Variants in FANCB observed in about 807,000 individuals in gnomAD.
The protein encoded by FANCB is FA complementation group B.
Under a neutral mutation model 38.9 loss-of-function variants are expected in FANCB, and 5 were observed. The ratio of observed to expected loss-of-function variants is 0.13; its 90% confidence interval spans 0.07 to 0.27. The LOEUF is 0.27. Ranked by LOEUF, FANCB falls within the 10% of genes least tolerant of loss-of-function variation. The pLI is 1.00. For missense variants in FANCB, 573 were observed against 602.7 expected (o/e 0.95, Z 0.52); for synonymous variants, 236 against 215.4 (o/e 1.10, Z -0.84).
chrX:14,699,438 C>A, the FANCB span, among the ~76,000 whole-genome samples: 27 of 111,913 alleles, frequency 2.4e-4, no homozygotes, highest in African/African-American at 8.8e-4. Context: ...ACTTATTTTT[C>A]TTCTATTTTG....
Position 14,864,580 on chromosome X carries a change from C to T in FANCB, c.931G>A (p.Val311Ile), listed in dbSNP as rs1308239519. The stretch of plus-strand genomic sequence containing the variant: ...TGTACCTGAAAGCTCTCTTTCCATA[C>T]AGCACAAGCATTATTGGATATAAAG... ...VSFISNNACA[V>I]WKESFQVAAK... The change falls in exon 3 of 10, where the codon GTA becomes ATA. Residue 311 changes from valine (V) to isoleucine (I), a missense_variant. Val to Ile is a conservative substitution (Grantham distance 29, BLOSUM62 3). Transcript: ENST00000650831. The T allele has an allele frequency of 2.5e-6, 3 of 1,187,873 alleles. No individual in the cohort carries two copies. Among genetic ancestry groups the T allele is most frequent in the Non-Finnish European group, 3.4e-6 (3 of 873,717 alleles).
At chrX:14,779,147 A>G in the FANCB span, among the ~76,000 whole-genome samples, 1 of 112,197 alleles carries the variant, frequency 8.9e-6, no homozygotes, top group Non-Finnish European at 1.9e-5. Context: ...TGAAATACCC[A>G]AGCAAGACAA....
the FANCB span, among the ~76,000 whole-genome samples, chrX:14,825,106 G>A: frequency 2.5e-4 from 28 of 112,138 alleles, no homozygotes; most frequent in African/African-American, 9.1e-4. Context: ...TTGCTTCTTT[G>A]AAGGCAATCT....
rs746453967 is a variant in FANCB at position 14,843,929 on chromosome X, T to C, written c.2218A>G (p.Ile740Val). 6 of 1,199,231 alleles carry C rather than the reference T, an allele frequency of 5.0e-6. No individual in the cohort carries two copies. Among genetic ancestry groups the C allele is most frequent in the Non-Finnish European group, 6.8e-6 (6 of 886,890 alleles). Residue 740 changes from isoleucine to valine, a missense_variant, in exon 10 of 10, where the codon ATA becomes GTA. Ile to Val is a conservative substitution (Grantham distance 29, BLOSUM62 3). Transcript: ENST00000650831. ...TTTAGATTTTTGAGGAAACAGTTTA[T>C]AGGGAGAATTCTGATGAGATTATGA... ...CLHNLIRILP[I>V]NCFLKNLKSG... is the part of the protein sequence containing the mutation.
intron 7 of FANCB, 72 bp from the exon 8 acceptor site, chrX:14,845,358 T>G: frequency 5.2e-6 from 4 of 768,775 alleles, no homozygotes; most frequent in Non-Finnish European, 8.0e-6. Flanking sequence ...TTAAATGTCA[T>G]ACAAACAACA....
chrX:14,790,846 G>A, the FANCB span, among the ~76,000 whole-genome samples: 658 of 111,692 alleles, frequency 5.9e-3, 1 homozygote, highest in Middle Eastern at 0.051. Flanking sequence ...TGAGATAGAG[G>A]AGAAAGCCAA....
chrX:14,709,209 G>A, the FANCB span, among the ~76,000 whole-genome samples: 3 of 110,841 alleles, frequency 2.7e-5, no homozygotes, highest in Admixed American at 9.6e-5. Context: ...ACTGCAGCCC[G>A]GACAACAGAG....
chrX:14,721,524 T>C, the FANCB span, among the ~76,000 whole-genome samples: 2 of 111,591 alleles, frequency 1.8e-5, no homozygotes, highest in South Asian at 7.5e-4. Context: ...TAGAAGCTTA[T>C]TGTTTAGAGG....
intron 1 of FANCB, among the ~76,000 whole-genome samples, chrX:14,872,479 C>A (rs2092503097): frequency 9.0e-6 from 1 of 111,428 alleles, no homozygotes; most frequent in South Asian, 3.7e-4. Flanking sequence ...GGCTGGATAA[C>A]TGTTGTGAAT....
At chrX:14,867,885 G>A (rs967291384) in intron 2 of FANCB, among the ~76,000 whole-genome samples, 1 of 110,030 alleles carries the variant, frequency 9.1e-6, no homozygotes. Context: ...TATTTTAAAT[G>A]GACAAAATAA....
chrX:14,865,433 C>G lies in FANCB; in HGVS notation c.78G>C (p.Gln26His). Residue 26 changes from glutamine (Q) to histidine (H), a missense_variant, in exon 3 of 10, where the codon CAG becomes CAC. Physicochemically the swap from Gln to His is conservative, Grantham distance 24. Coordinates refer to ENST00000650831, the MANE Select transcript of FANCB (RefSeq NM_001018113.3). ...TATCTGCAAAATTTCCTTTAGACAA[C>G]TGGAAAACAAGGACTTCCCCATTAT... is the stretch of plus-strand genomic sequence containing the variant. ...LCYNGEVLVFQLSKGNFADKE... is the reference protein window; with the variant it reads ...LCYNGEVLVFHLSKGNFADKE... 1 of 1,210,344 alleles carries G rather than the reference C, an allele frequency of 8.3e-7. No homozygotes were observed. Among genetic ancestry groups the G allele is most frequent in the Non-Finnish European group, 1.1e-6 (1 of 894,665 alleles).
the FANCB span, among the ~76,000 whole-genome samples, chrX:14,808,162 A>G: frequency 8.9e-6 from 1 of 112,141 alleles, no homozygotes; most frequent in East Asian, 2.8e-4. Context: ...CAATCCTACT[A>G]GAACTTTTCC....
At chrX:14,857,805 T>C in intron 5 of FANCB, 57 bp downstream of exon 5, 1 of 812,977 alleles carries the variant, frequency 1.2e-6, no homozygotes, top group Non-Finnish European at 1.9e-6. Flanking sequence ...TTCAATGTTC[T>C]TTCCTTCATT....
Position 14,844,864 on chromosome X carries a change from T to C in FANCB, c.1919A>G (p.Lys640Arg). ...AGTGCCAACAAAATTACCTATAGGT[T>C]TCTTCTTTGGAAATGTCAGTAGGTA... ...GKYLLTFPKK[K>R]PIEHMEDLFA... Residue 640 changes from lysine (K) to arginine (R), a missense_variant, in exon 8 of 10, where the codon AAA (lysine) becomes AGA (arginine). Transcript: ENST00000650831. 8.3e-7 allele frequency: 1 copy of C among 1,203,847 alleles called. No homozygotes were observed. Among genetic ancestry groups the C allele is most frequent in the East Asian group, 3.0e-5 (1 of 33,812 alleles).
chrX:14,790,874 G>A, the FANCB span, among the ~76,000 whole-genome samples: 1 of 111,244 alleles, frequency 9.0e-6, no homozygotes, highest in Non-Finnish European at 1.9e-5. Context: ...ATGGTTAGTG[G>A]GGTGGGGGTT....
chrX:14,762,334 A>G, the FANCB span, among the ~76,000 whole-genome samples: 1 of 110,375 alleles, frequency 9.1e-6, no homozygotes, highest in Non-Finnish European at 1.9e-5. Flanking sequence ...TTTTGTAGAG[A>G]CAGGGTCTCC....
At chrX:14,743,304 T>C in the FANCB span, among the ~76,000 whole-genome samples, 1 of 111,410 alleles carries the variant, frequency 9.0e-6, no homozygotes, top group Non-Finnish European at 1.9e-5. Flanking sequence ...CTTTCAACCA[T>C]GAATGTCAAA....
At chrX:14,702,813 G>T in the FANCB span, among the ~76,000 whole-genome samples, 1 of 111,612 alleles carries the variant, frequency 9.0e-6, no homozygotes, top group Non-Finnish European at 1.9e-5. Flanking sequence ...TTATTGGGTG[G>T]CACTTGGACA....
the FANCB span, among the ~76,000 whole-genome samples, chrX:14,719,320 T>A: frequency 1.8e-5 from 2 of 111,349 alleles, no homozygotes; most frequent in Non-Finnish European, 3.8e-5. Context: ...GGGATCAATA[T>A]CAAAAATATA....
Sources: allele counts gnomAD v4.1 joint callset (sites outside exome capture counted in the v4.1 genomes callset), GRCh38; gene constraint gnomAD v4.1.1; transcripts MANE v1.5; gene names NCBI Gene and HGNC (gene_info 2026-07-23, HGNC 2026-07-21).